SLC25A29: variants seen among roughly 807,000 people sequenced by gnomAD.
SLC25A29 encodes the protein solute carrier family 25 member 29, also known as mitochondrial basic amino acids transporter.
Under a neutral mutation model 10.0 loss-of-function variants are expected in SLC25A29, and 13 were observed. The observed-to-expected ratio is 1.30, with a 90% CI of 0.85 to 2.07. SLC25A29 has a LOEUF of 2.07. SLC25A29 is among the 30% of genes most tolerant of loss of function. The probability of loss-of-function intolerance (pLI) is 0.00; values close to 1 mark genes in which losing one functional copy is unlikely to be tolerated. For synonymous variants in SLC25A29, 244 were observed against 221.1 expected, an observed-to-expected ratio of 1.10 and a Z score of -0.92; for missense variants, 475 against 447.6, an observed-to-expected ratio of 1.06 and a Z score of -0.55.
At chr14:100,290,501 C>T (rs1891638875), downstream of SLC25A29, among the ~76,000 whole-genome samples, 1 of 152,242 alleles carries the variant, frequency 6.6e-6, no homozygotes, top group African/African-American at 2.4e-5. Context: ...CTCCCCGACT[C>T]CCCCTTGTCA....
rs754592475 is a variant in SLC25A29 at position 100,293,000 on chromosome 14, C to T, written c.195G>A (p.Pro65=). ...VLGLYKGLGS[P]LMGLTFINAL... Reference sequence around the variant, plus strand: ...CGTTGATGAAGGTGAGCCCCATGAGCGGCGAGCCCAGGCCCTTGTACAGGC... The same window carrying T: ...CGTTGATGAAGGTGAGCCCCATGAGTGGCGAGCCCAGGCCCTTGTACAGGC... The change falls in exon 4 of 4, where the codon CCG becomes CCA. Residue 65 remains proline, a synonymous_variant. Transcript: ENST00000359232. The T allele has an allele frequency of 3.1e-5, 49 of 1,582,320 alleles. No homozygotes were observed. The highest frequency in any genetic ancestry group is 4.5e-5 in the East Asian group (2 of 44,274).
downstream of SLC25A29, among the ~76,000 whole-genome samples, chr14:100,289,835 C>CAA (rs56694140): frequency 0.011 from 1,092 of 95,746 alleles, 27 homozygotes; most frequent in African/African-American, 0.021. Context: ...GAGCAAGACT[C>CAA]AAAAAAAAAA....
chr14:100,306,146 C>T, intron 1 of SLC25A29, 53 bp downstream of exon 1: 1 of 1,341,518 alleles, frequency 7.5e-7, no homozygotes, highest in Non-Finnish European at 9.8e-7. Context: ...GGTGGGCCGA[C>T]CTCCCTCCCC....
intron 2 of SLC25A29, among the ~76,000 whole-genome samples, chr14:100,296,965 C>A (rs918640607): frequency 1.3e-5 from 2 of 151,812 alleles, no homozygotes; most frequent in East Asian, 2.0e-4. Context: ...CGTGCTGGCA[C>A]GTGCCTGTAA....
At chr14:100,299,365 A>C (rs1212571179) in intron 1 of SLC25A29, 1 of 1,007,110 alleles carries the variant, frequency 9.9e-7, no homozygotes, top group African/African-American at 1.7e-5. Context: ...TCTGGGCCTC[A>C]CTCTGGGCCT....
chr14:100,281,107 C>G, the SLC25A29 span: 3 of 149,730 alleles, frequency 2.0e-5, no homozygotes. Flanking sequence ...ACAATTCTAC[C>G]CACCTCCCCC....
At chr14:100,302,254 C>T (rs1047711795) in intron 1 of SLC25A29, among the ~76,000 whole-genome samples, 8 of 151,834 alleles carry the variant, frequency 5.3e-5, no homozygotes, top group Non-Finnish European at 1.0e-4. Context: ...CCATGTTGGC[C>T]AGGCTGGTCT....
At chr14:100,299,638 G>C (rs925647737) in intron 1 of SLC25A29, 1 of 985,458 alleles carries the variant, frequency 1.0e-6, no homozygotes, top group African/African-American at 1.7e-5. Context: ...CTTCTCCAGA[G>C]TCCTAAATGC....
intron 2 of SLC25A29, 159 bp downstream of exon 2, chr14:100,298,683 G>T: frequency 1.1e-6 from 1 of 901,124 alleles, no homozygotes; most frequent in Non-Finnish European, 1.8e-6. Context: ...CCAGCTGGGA[G>T]ATGCCAGGAC....
intron 1 of SLC25A29, among the ~76,000 whole-genome samples, chr14:100,300,243 CGACCCAGA>C (rs1243644813): frequency 1.3e-5 from 2 of 152,154 alleles, no homozygotes. Flanking sequence ...TGCACTCCAG[CGACCCAGA>C]GAGCAAGACT....
chr14:100,284,509 G>A, the SLC25A29 span, among the ~76,000 whole-genome samples: 1 of 152,094 alleles, frequency 6.6e-6, no homozygotes. Context: ...CAGTCCCGCC[G>A]ACCCTCAGAG....
intron 3 of SLC25A29, 100 bp downstream of exon 3, chr14:100,293,194 T>A: frequency 6.7e-7 from 1 of 1,498,294 alleles, no homozygotes; most frequent in Non-Finnish European, 9.0e-7. Flanking sequence ...CTGGTCGTCC[T>A]GACACCTTCC....
intron 2 of SLC25A29, chr14:100,298,367 G>C (rs1204086710): frequency 5.7e-6 from 1 of 174,840 alleles, no homozygotes; most frequent in Non-Finnish European, 1.2e-5. Flanking sequence ...ATGGAGGTGT[G>C]GGGTGTTATC....
chr14:100,299,163 G>A, intron 1 of SLC25A29: 1 of 1,332,620 alleles, frequency 7.5e-7, no homozygotes, highest in East Asian at 3.2e-5. Flanking sequence ...GCGGCTGACT[G>A]GTCTGGGTGG....
chr14:100,288,578 A>ACCCCCCCCC (rs530887749), downstream of SLC25A29, among the ~76,000 whole-genome samples: 1 of 139,012 alleles, frequency 7.2e-6, no homozygotes, highest in Admixed American at 7.3e-5. Flanking sequence ...GCCCTGCCTC[A>ACCCCCCCCC]CCCCCCTCCC....
the SLC25A29 span, among the ~76,000 whole-genome samples, chr14:100,285,406 C>A: frequency 4.0e-5 from 6 of 151,762 alleles, no homozygotes; most frequent in Admixed American, 6.6e-5. Context: ...GGTGCGCCGC[C>A]GCCGCCGGCC....
intron 2 of SLC25A29, chr14:100,295,905 G>A (rs1159292719): frequency 6.2e-6 from 8 of 1,287,482 alleles, no homozygotes; most frequent in East Asian, 5.6e-5. Context: ...GTGTAGAAAC[G>A]TGTGAAGGCC....
chr14:100,286,126 C>T (rs1278215193), downstream of SLC25A29, among the ~76,000 whole-genome samples: 2 of 152,192 alleles, frequency 1.3e-5, no homozygotes, highest in Non-Finnish European at 2.9e-5. Context: ...GTGTACATTC[C>T]GTCTTCCCTG....
the SLC25A29 span, among the ~76,000 whole-genome samples, chr14:100,284,566 C>T: frequency 2.0e-5 from 3 of 152,220 alleles, no homozygotes; most frequent in Admixed American, 6.5e-5. Context: ...TAATGGATCA[C>T]CTCTTGTCCT....
Sources: gnomAD v4.1 joint callset for allele counts (sites outside exome capture counted in the v4.1 genomes callset) on GRCh38, gnomAD v4.1.1 for gene constraint, MANE v1.5 for transcripts, NCBI Gene and HGNC (gene_info 2026-07-23, HGNC 2026-07-21) for gene names.